The following DIPK1B variants were observed in gnomAD, a reference collection of about 807,000 sequenced individuals.
The protein encoded by DIPK1B is family with sequence similarity 69 member B.
DIPK1B carries 17 observed loss-of-function variants against 20.7 expected under a neutral mutation model. That is an observed-to-expected ratio of 0.82 (90% confidence interval 0.56 to 1.23). The LOEUF (loss-of-function observed/expected upper bound fraction) is 1.23. DIPK1B is among the 50% of genes most tolerant of loss of function. DIPK1B has a pLI of 0.00. For missense variants in DIPK1B, 648 were observed against 601.8 expected, an observed-to-expected ratio of 1.08 and a Z score of -0.80; for synonymous variants, 343 against 276.5, an observed-to-expected ratio of 1.24 and a Z score of -2.39.
Position 136,724,641 on chromosome 9 carries a change from T to C in DIPK1B, c.*867T>C, listed in dbSNP as rs568607115. On this transcript the variant is annotated 3_prime_UTR_variant, in exon 5 of 5. Transcript: ENST00000371692. ...CTCAAATTTTGCCAACACAGAAATA[T>C]TATCCTTAAAGAAATGTGCATTTAA... The C allele has an allele frequency of 1.3e-5, 2 of 152,072 alleles. No homozygotes were observed. Among genetic ancestry groups the C allele is most frequent in the African/African-American group, 4.8e-5 (2 of 41,314 alleles). 9.4% of individuals were successfully genotyped at this position (152,072 alleles called of 1,614,324 possible).
In DIPK1B at chr9:136,712,805, G is replaced by A; in HGVS notation, c.63+77G>A. ...GAGCTCCAGCCCCGGAGTGGGCCGA[G>A]TACGGAGCGGGGCCCCGGGTTCGGA... On this transcript the variant is annotated intron_variant, in intron 1 of 4. Coordinates refer to ENST00000371692, the MANE Select transcript of DIPK1B (RefSeq NM_152421.4). This position sits in a 1 kb window ranked among gnomAD's most constrained non-coding sequence, Gnocchi z 5.6. 1.8e-6 allele frequency: 2 copies of A among 1,084,014 alleles called. No homozygotes were observed. The highest frequency in any genetic ancestry group is 2.4e-6 in the Non-Finnish European group (2 of 850,408). The allele number at this position is 1,084,014 out of a possible 1,614,324, so 67.1% of individuals were successfully genotyped here.
At chr9:136,717,793 C>G in intron 2 of DIPK1B, 82 bp downstream of exon 2, 1 of 1,583,356 alleles carries the variant, frequency 6.3e-7, no homozygotes, top group East Asian at 2.2e-5. Context: ...CTGGAGACAC[C>G]TTCCTCCCCA....
At chr9:136,716,396 T>C (rs1846497284) in intron 1 of DIPK1B, among the ~76,000 whole-genome samples, 1 of 151,098 alleles carries the variant, frequency 6.6e-6, no homozygotes, top group South Asian at 2.1e-4. Flanking sequence ...GCCTCCCAAG[T>C]AGCTGGGACT....
rs776815125 is a variant in DIPK1B at position 136,722,982 on chromosome 9, T to C, written c.504T>C (p.Pro168=). Residue 168 remains proline, a synonymous_variant, in exon 5 of 5, where the codon CCT becomes CCC. Coordinates refer to ENST00000371692, the MANE Select transcript of DIPK1B (RefSeq NM_152421.4). ...GCCAGGCGAACCTGGGAGACCTGCC[T>C]TCCCTGCCGGCGCTGGTTGGCCAGG... The part of the protein sequence containing the change: ...SFLKANLGDL[P]SLPALVGQVL... 5 of 1,606,996 alleles carry C rather than the reference T, an allele frequency of 3.1e-6. No individual in the cohort carries two copies. The Admixed American group carries it at 5.0e-5, about 16-fold the overall frequency.
In DIPK1B at chr9:136,724,335, C is replaced by A. The variant is rs553260301; in HGVS notation, c.*561C>A. On this transcript the variant is annotated 3_prime_UTR_variant, in exon 5 of 5. Transcript: ENST00000371692. ...CACAACAGACCAAGAAAAAGGTGTT[C>A]CAGTAAGAAAACAGATATATGCGGT... Among the ~76,000 whole-genome samples, 152 of 152,300 alleles carry A rather than the reference C, an allele frequency of 1.0e-3. No homozygotes were observed. Among genetic ancestry groups the A allele is most frequent in the Non-Finnish European group, 2.0e-3 (139 of 68,026 alleles).
chr9:136,722,783 A>G (rs1378318732), intron 4 of DIPK1B, 179 bp from the exon 5 acceptor site: 2 of 639,654 alleles, frequency 3.1e-6, no homozygotes, highest in East Asian at 5.5e-5. Flanking sequence ...CAGCAGAGTG[A>G]GCTGACACAT....
chr9:136,718,708 A>G (rs948854610), intron 2 of DIPK1B, among the ~76,000 whole-genome samples: 9 of 152,208 alleles, frequency 5.9e-5, no homozygotes, highest in Non-Finnish European at 1.2e-4. Flanking sequence ...GATTGGGTGC[A>G]GGGAGACCCC....
chr9:136,719,842 CCTGGGGCTCCGGGCACAGGGGCTGGT>C lies in DIPK1B; in HGVS notation c.199-2064_199-2039del, dbSNP rs1163135720. On this transcript the variant is annotated intron_variant, in intron 2 of 4. Coordinates refer to ENST00000371692, the MANE Select transcript of DIPK1B (RefSeq NM_152421.4). ...CAGGAGCAGGGCAGCCTCCTGCGGT[CCTGGGGCTCCGGGCACAGGGGCTGGT>C]CTGGGGCTCCGGGCGCAGGGGCTGT... is the stretch of plus-strand genomic sequence containing the variant. Among the ~76,000 whole-genome samples, 49 of 152,208 alleles carry C rather than the reference CCTGGGGCTCCGGGCACAGGGGCTGGT, an allele frequency of 3.2e-4. 1 individual carries two copies. The highest frequency in any genetic ancestry group is 2.0e-3 in the Admixed American group (31 of 15,292).
At chr9:136,722,722 A>G (rs867449548) in intron 4 of DIPK1B, 2 of 596,468 alleles carry the variant, frequency 3.4e-6, no homozygotes, top group Non-Finnish European at 5.9e-6. Context: ...CCCCAGGTGC[A>G]CCCAAGGCTG....
At position 136,722,275 on chromosome 9, in the gene DIPK1B, C is replaced by A. The variant is rs769510854; in HGVS notation, c.457C>A (p.Arg153=). ...PTRGTSIKEF[R]EMTLSFLKAN... ...CCGGGGCACCTCCATCAAGGAATTC[C>A]GGGAGATGACCCTCAGCTTCCTCAA... Residue 153 remains arginine (R), a synonymous_variant, in exon 4 of 5, where the codon CGG becomes AGG. Transcript: ENST00000371692. The A allele has an allele frequency of 6.2e-7, 1 of 1,613,640 alleles. No homozygotes were observed. Among genetic ancestry groups the A allele is most frequent in the Non-Finnish European group, 8.5e-7 (1 of 1,179,872 alleles).
chr9:136,714,712 G>A (rs1846472860), intron 1 of DIPK1B, among the ~76,000 whole-genome samples: 1 of 152,238 alleles, frequency 6.6e-6, no homozygotes, highest in South Asian at 2.1e-4. Context: ...AGGGGGCGGA[G>A]ACCAACCTGG....
Position 136,712,631 on chromosome 9 carries a change from C to T in DIPK1B, c.-35C>T. The T allele has an allele frequency of 2.8e-6, 3 of 1,074,248 alleles. No individual in the cohort carries two copies. The highest frequency in any genetic ancestry group is 3.4e-6 in the Non-Finnish European group (3 of 883,286). The allele number at this position is 1,074,248 out of a possible 1,614,324, so 66.5% of individuals were successfully genotyped here. On this transcript the variant is annotated 5_prime_UTR_variant, in exon 1 of 5. Transcript: ENST00000371692. This position sits in a 1 kb window ranked among gnomAD's most constrained non-coding sequence, Gnocchi z 5.6. ...CGGGCCGGGGCTGAGGCCGAGCGAG[C>T]CGCGGGGCCCGCGCAGCCCCGGCCG... is the stretch of plus-strand genomic sequence containing the variant.
intron 2 of DIPK1B, among the ~76,000 whole-genome samples, chr9:136,720,346 G>T (rs1380752752): frequency 1.3e-5 from 2 of 152,168 alleles, no homozygotes; most frequent in African/African-American, 4.8e-5. Flanking sequence ...GGTGTGTGGG[G>T]GGCGGGGACC....
In DIPK1B at chr9:136,718,114, TGTGCTGGCCTCACTGGTCCAGGATAGC is replaced by T. The variant is rs1846528448; in HGVS notation, c.198+405_198+431del. Among the ~76,000 whole-genome samples, 6 of 28,642 alleles carry T rather than the reference TGTGCTGGCCTCACTGGTCCAGGATAGC, an allele frequency of 2.1e-4. 1 individual carries two copies. The highest frequency in any genetic ancestry group is 4.6e-4 in the Non-Finnish European group (5 of 10,762). The allele number at this position is 28,642 out of a possible 152,430, so 18.8% of individuals were successfully genotyped here. Reference sequence around the variant, plus strand: ...TCACTGGATGGGATAGAGACCCCCGTGTGCTGGCCTCACTGGTCCAGGATAGCGACCCCCGTGTGCTGGCCTCACTGG... The same window carrying T: ...TCACTGGATGGGATAGAGACCCCCGTGACCCCCGTGTGCTGGCCTCACTGG... On this transcript the variant is annotated intron_variant, in intron 2 of 4. Transcript: ENST00000371692.
In DIPK1B at chr9:136,717,597, G is replaced by A. The variant is rs749000403; in HGVS notation, c.84G>A (p.Arg28=). The A allele has an allele frequency of 6.9e-6, 11 of 1,600,772 alleles. No homozygotes were observed. In the African/African-American group the frequency reaches 1.1e-4, roughly 16 times the overall value. ...CACAGGGCCGGCTCCCAGGCCTCAGGGTCCGCTGCATCTTCCTGGCCTGGC... is the reference window on the plus strand; with the variant it reads ...CACAGGGCCGGCTCCCAGGCCTCAGAGTCCGCTGCATCTTCCTGGCCTGGC... The part of the protein sequence containing the change: ...KRLQGRLPGL[R]VRCIFLAWLG... The change falls in exon 2 of 5, where the codon AGG becomes AGA. Residue 28 remains arginine (R), a synonymous_variant. Transcript: ENST00000371692.
rs1225963799 is a variant in DIPK1B at position 136,723,348 on chromosome 9, C to A, written c.870C>A (p.Tyr290Ter). 6.2e-7 allele frequency: 1 copy of A among 1,613,236 alleles called. No homozygotes were observed. Among genetic ancestry groups the A allele is most frequent in the Non-Finnish European group, 8.5e-7 (1 of 1,179,874 alleles). Residue 290 changes from tyrosine to a stop codon, truncating the protein, a stop_gained, in exon 5 of 5, where the codon TAC becomes TAA. Transcript: ENST00000371692. LOFTEE classifies it low-confidence loss of function (END_TRUNC). ...TGGAGGAGCTCTTCCACGGCTCTTA[C>A]GGGACTTTCTACATGTGTGAGACCA... is the stretch of plus-strand genomic sequence containing the variant. ...EFVEELFHGSYGTFYMCETTL... is the reference protein window; with the variant it reads ...EFVEELFHGS
intron 4 of DIPK1B, 49 bp from the exon 5 acceptor site, chr9:136,722,913 C>G: frequency 6.5e-7 from 1 of 1,526,908 alleles, no homozygotes; most frequent in Non-Finnish European, 8.8e-7. Context: ...GTCGTGCTCC[C>G]AGACATCAAA....
Position 136,723,201 on chromosome 9 carries a change from G to A in DIPK1B, c.723G>A (p.Ala241=), listed in dbSNP as rs148678023. The A allele has an allele frequency of 3.3e-5, 54 of 1,612,360 alleles. No individual in the cohort carries two copies. Among genetic ancestry groups the A allele is most frequent in the South Asian group, 1.1e-4 (10 of 91,072 alleles). ...TEGVPHGAWH[A]AALPPLLRPL... ...GCGTGCCGCATGGCGCCTGGCACGCGGCCGCCCTTCCACCCCTGTTGCGCC... is the reference window on the plus strand; with the variant it reads ...GCGTGCCGCATGGCGCCTGGCACGCAGCCGCCCTTCCACCCCTGTTGCGCC... Residue 241 remains alanine (A), a synonymous_variant, in exon 5 of 5, where the codon GCG becomes GCA. Coordinates refer to ENST00000371692, the MANE Select transcript of DIPK1B (RefSeq NM_152421.4).
chr9:136,715,618 G>A (rs1338880425), intron 1 of DIPK1B, among the ~76,000 whole-genome samples: 3 of 151,784 alleles, frequency 2.0e-5, no homozygotes, highest in South Asian at 2.1e-4. Context: ...GGGTTCAAGC[G>A]ATTCTCCTGC....
Sources: gnomAD v4.1 joint callset for allele counts (sites outside exome capture counted in the v4.1 genomes callset) on GRCh38, gnomAD v4.1.1 for gene constraint, Gnocchi (gnomAD v3.1) non-coding constraint, MANE v1.5 for transcripts, NCBI Gene and HGNC (gene_info 2026-07-23, HGNC 2026-07-21) for gene names.